LPXN: variants seen among roughly 807,000 people sequenced by gnomAD.
LPXN encodes leupaxin.
LPXN carries 28 observed loss-of-function variants against 45.6 expected under a neutral mutation model. The ratio of observed to expected loss-of-function variants is 0.61; its 90% confidence interval spans 0.45 to 0.84. The LOEUF is 0.84. LPXN is among the 40% of genes least tolerant of loss of function. The pLI is 0.00. For missense variants in LPXN, 459 were observed against 475.0 expected, an observed-to-expected ratio of 0.97 and a Z score of 0.31; for synonymous variants, 166 against 169.9, an observed-to-expected ratio of 0.98 and a Z score of 0.18.
chr11:58,577,491 T>G (rs992163045), upstream of LPXN, among the ~76,000 whole-genome samples: 2 of 152,230 alleles, frequency 1.3e-5, no homozygotes, highest in Non-Finnish European at 2.9e-5. Flanking sequence ...TTTGGGACTT[T>G]TAGCCCTGGA....
chr11:58,535,693 T>C (rs1853530538), intron 7 of LPXN, among the ~76,000 whole-genome samples: 1 of 152,052 alleles, frequency 6.6e-6, no homozygotes, highest in Admixed American at 6.6e-5. Flanking sequence ...CAGAAAGAAA[T>C]AAAGGGTACT....
chr11:58,578,283 T>G (rs1440693385), upstream of LPXN: 2 of 436,402 alleles, frequency 4.6e-6, no homozygotes, highest in African/African-American at 4.1e-5. Context: ...AACTCTAGAC[T>G]GCGGAAAGTA....
At chr11:58,577,296 G>A (rs1429150294), upstream of LPXN, among the ~76,000 whole-genome samples, 1 of 152,144 alleles carries the variant, frequency 6.6e-6, no homozygotes, top group Non-Finnish European at 1.5e-5. Flanking sequence ...AACTGAAAAT[G>A]ACATTAGCCC....
At chr11:58,533,580 A>T (rs145998179) in intron 7 of LPXN, among the ~76,000 whole-genome samples, 195 of 152,374 alleles carry the variant, frequency 1.3e-3, no homozygotes, top group African/African-American at 4.4e-3. Context: ...CCAAATTGTA[A>T]AGACCATAGA....
chr11:58,564,268 A>T, intron 2 of LPXN, 67 bp from the exon 3 acceptor site: 1 of 978,752 alleles, frequency 1.0e-6, no homozygotes, highest in South Asian at 1.3e-5. Context: ...TTGAGGCTTA[A>T]TGATACCCAC....
chr11:58,532,438 T>C (rs968754435), intron 7 of LPXN, among the ~76,000 whole-genome samples: 1 of 152,246 alleles, frequency 6.6e-6, no homozygotes, highest in African/African-American at 2.4e-5. Flanking sequence ...AACTTTTATG[T>C]CTAGCTAGAG....
intron 7 of LPXN, among the ~76,000 whole-genome samples, chr11:58,534,346 A>C (rs1853484883): frequency 6.6e-6 from 1 of 152,212 alleles, no homozygotes; most frequent in Admixed American, 6.5e-5. Context: ...AGTGCAATCA[A>C]ATTAGAACTC....
At chr11:58,566,620 T>C (rs78645688) in intron 2 of LPXN, among the ~76,000 whole-genome samples, 4,541 of 152,274 alleles carry the variant, frequency 0.03, 225 homozygotes, top group African/African-American at 0.1. Flanking sequence ...TCAAAATAGA[T>C]AATTAAACCA....
intron 7 of LPXN, among the ~76,000 whole-genome samples, chr11:58,529,584 T>C (rs899171590): frequency 7.0e-6 from 1 of 142,338 alleles, no homozygotes. Context: ...CACTCCAGCC[T>C]GGGAGATAGT....
chr11:58,550,293 G>T, intron 5 of LPXN, 147 bp from the exon 6 acceptor site: 1 of 752,540 alleles, frequency 1.3e-6, no homozygotes, highest in Non-Finnish European at 2.2e-6. Flanking sequence ...CTAGACCTAG[G>T]TTCCACCTAA....
chr11:58,559,976 C>A (rs1854323507), intron 3 of LPXN, among the ~76,000 whole-genome samples: 1 of 152,114 alleles, frequency 6.6e-6, no homozygotes, highest in Non-Finnish European at 1.5e-5. Flanking sequence ...AGGAGAAGAA[C>A]CTGACAGCAG....
intron 7 of LPXN, among the ~76,000 whole-genome samples, chr11:58,547,808 A>T (rs571614043): frequency 6.6e-6 from 1 of 152,340 alleles, no homozygotes; most frequent in East Asian, 1.9e-4. Flanking sequence ...TTTTAACAGT[A>T]ATCAGAAAAG....
intron 7 of LPXN, 110 bp from the exon 8 acceptor site, chr11:58,528,301 T>G (rs756470421): frequency 3.1e-6 from 3 of 983,342 alleles, no homozygotes; most frequent in Non-Finnish European, 4.6e-6. Flanking sequence ...CAAAATAGGA[T>G]GATTACTGTT....
chr11:58,551,969 G>C (rs978297327), intron 4 of LPXN, among the ~76,000 whole-genome samples: 1 of 152,222 alleles, frequency 6.6e-6, no homozygotes, highest in South Asian at 2.1e-4. Context: ...GGCTAGAGCA[G>C]AGGGAGTGAG....
intron 1 of LPXN, among the ~76,000 whole-genome samples, chr11:58,575,296 T>C (rs1478785512): frequency 1.3e-5 from 2 of 152,186 alleles, no homozygotes; most frequent in East Asian, 1.9e-4. Context: ...CTGGCCTTTT[T>C]CCAACCTCTA....
At chr11:58,534,304 C>T (rs917826214) in intron 7 of LPXN, among the ~76,000 whole-genome samples, 1 of 152,122 alleles carries the variant, frequency 6.6e-6, no homozygotes, top group South Asian at 2.1e-4. Flanking sequence ...TGCAAAAGAA[C>T]AGAAATCATA....
rs1590559048 is a variant in LPXN at position 58,553,266 on chromosome 11, G to T, written c.318+1575C>A. ...CACTAGAATCGCTTGAACCCAGGAGGTGGAGGTTGCAGTGAGCCGAGATCA... is the reference window on the plus strand; with the variant it reads ...CACTAGAATCGCTTGAACCCAGGAGTTGGAGGTTGCAGTGAGCCGAGATCA... On this transcript the variant is annotated intron_variant, in intron 4 of 8. Transcript: ENST00000395074. Among the ~76,000 whole-genome samples the T allele has an allele frequency of 2.0e-5, 3 of 150,246 alleles. No homozygotes were observed. The South Asian group carries it at 6.3e-4, about 32-fold the overall frequency.
At chr11:58,551,000 G>A in intron 5 of LPXN, 65 bp downstream of exon 5, 1 of 1,410,832 alleles carries the variant, frequency 7.1e-7, no homozygotes, top group Non-Finnish European at 9.4e-7. Flanking sequence ...AGGGGAAAGA[G>A]CAAACCTTGA....
chr11:58,574,573 CA>C (rs1228260241), intron 1 of LPXN, among the ~76,000 whole-genome samples: 1 of 150,900 alleles, frequency 6.6e-6, no homozygotes, highest in African/African-American at 2.4e-5. Context: ...CCATCCCCCC[CA>C]AAAAAAAGAA....
Sources: gnomAD v4.1 joint callset for allele counts (sites outside exome capture counted in the v4.1 genomes callset) on GRCh38, gnomAD v4.1.1 for gene constraint, MANE v1.5 for transcripts, NCBI Gene and HGNC (gene_info 2026-07-23, HGNC 2026-07-21) for gene names.